MAPRE2: variants seen among roughly 807,000 people sequenced by gnomAD.
MAPRE2 encodes microtubule-associated protein RP/EB family member 2.
In MAPRE2, 13 loss-of-function variants were observed where a neutral mutation model predicts 43.2. The observed-to-expected ratio is 0.30, with a 90% CI of 0.20 to 0.48. The LOEUF is 0.48. Among genes scored for constraint, MAPRE2 ranks in the 20% least tolerant of loss-of-function variants. The pLI is 0.99. For missense variants in MAPRE2, 161 were observed against 400.2 expected, an observed-to-expected ratio of 0.40 and a Z score of 5.10; for synonymous variants, 135 against 148.8, an observed-to-expected ratio of 0.91 and a Z score of 0.68.
In MAPRE2 at chr18:34,989,553, A is replaced by T. The variant is rs146821683; in HGVS notation, c.-70+12474A>T. On this transcript the variant is annotated intron_variant, in intron 1 of 7. Coordinates refer to the MAPRE2 transcript ENST00000413393. ...AGTGAGACCCTATGTTTACCAAAAA[A>T]TTTTGAAAAAATTGCCAGGCATGGT... Among the ~76,000 whole-genome samples the T allele has an allele frequency of 7.2e-4, 110 of 152,218 alleles. 2 individuals carry two copies. In the East Asian group the frequency reaches 0.02, roughly 28 times the overall value.
chr18:35,020,180 A>G (rs2097041016), intron 2 of MAPRE2, among the ~76,000 whole-genome samples: 1 of 152,148 alleles, frequency 6.6e-6, no homozygotes, highest in South Asian at 2.1e-4. Context: ...ACAGATTATC[A>G]GGATAACATC....
intron 1 of MAPRE2, among the ~76,000 whole-genome samples, chr18:34,985,569 A>G (rs1280976464): frequency 6.8e-5 from 5 of 73,342 alleles, no homozygotes; most frequent in African/African-American, 1.5e-4. Flanking sequence ...TTATAAATAT[A>G]ATATATAAAC....
intron 1 of MAPRE2, among the ~76,000 whole-genome samples, chr18:35,050,403 G>A (rs1905876175): frequency 6.6e-6 from 1 of 152,136 alleles, no homozygotes. Flanking sequence ...AATGAAATGT[G>A]CTCCTATAGC....
At chr18:35,003,142 A>T (rs936794121) in intron 1 of MAPRE2, among the ~76,000 whole-genome samples, 3 of 152,010 alleles carry the variant, frequency 2.0e-5, no homozygotes, top group Admixed American at 1.3e-4. Context: ...GCTTTGCCTC[A>T]CTCCTATCCC....
At chr18:35,008,404 C>T (rs1193419569) in intron 2 of MAPRE2, among the ~76,000 whole-genome samples, 2 of 152,100 alleles carry the variant, frequency 1.3e-5, no homozygotes, top group African/African-American at 2.4e-5. Flanking sequence ...GAAAATCACC[C>T]ATAACAACAC....
intron 1 of MAPRE2, among the ~76,000 whole-genome samples, chr18:35,061,201 G>C (rs897738854): frequency 6.6e-6 from 1 of 152,136 alleles, no homozygotes. Context: ...AGGCAGCCTG[G>C]AAAAGCCTGC....
At chr18:35,034,962 C>T (rs1405946660) in intron 2 of MAPRE2, among the ~76,000 whole-genome samples, 2 of 151,968 alleles carry the variant, frequency 1.3e-5, no homozygotes, top group African/African-American at 4.8e-5. Flanking sequence ...GGTGATTCCT[C>T]AGGGATCTAG....
intron 2 of MAPRE2, among the ~76,000 whole-genome samples, chr18:35,013,984 G>A (rs1015663740): frequency 6.6e-6 from 1 of 152,146 alleles, no homozygotes; most frequent in African/African-American, 2.4e-5. Flanking sequence ...TGGGGGTACA[G>A]ATGTCTCTTT....
At chr18:35,112,199 T>TA (rs927021394) in intron 4 of MAPRE2, among the ~76,000 whole-genome samples, 1 of 151,464 alleles carries the variant, frequency 6.6e-6, no homozygotes, top group African/African-American at 2.4e-5. Flanking sequence ...TTTTTTTTTT[T>TA]ATGGACGGAG....
chr18:35,025,868 T>C (rs1408408726), intron 2 of MAPRE2, among the ~76,000 whole-genome samples: 1 of 152,228 alleles, frequency 6.6e-6, no homozygotes, highest in Non-Finnish European at 1.5e-5. Flanking sequence ...CTTATGCTGA[T>C]ACCAGGTGGC....
chr18:35,017,224 G>GT (rs1207113034), intron 2 of MAPRE2, among the ~76,000 whole-genome samples: 1 of 141,224 alleles, frequency 7.1e-6, no homozygotes, highest in East Asian at 2.1e-4. Flanking sequence ...GTCAAGTAAT[G>GT]TGATGCCTCC....
intron 1 of MAPRE2, among the ~76,000 whole-genome samples, chr18:34,991,520 A>G (rs1424645053): frequency 6.6e-6 from 1 of 152,178 alleles, no homozygotes; most frequent in Non-Finnish European, 1.5e-5. Flanking sequence ...GACTAAAGGG[A>G]GTATAATCAT....
In MAPRE2 at chr18:35,141,772, G is replaced by A. The variant is rs958978370; in HGVS notation, c.*1403G>A. On this transcript the variant is annotated 3_prime_UTR_variant, in exon 7 of 7. Coordinates refer to ENST00000300249, the MANE Select transcript of MAPRE2 (RefSeq NM_014268.4). Reference sequence around the variant, plus strand: ...TTTCACTTGTTATTTGACTTAGCAGGTGCAACAAAAACAAGAAACAAATGT... The same window carrying A: ...TTTCACTTGTTATTTGACTTAGCAGATGCAACAAAAACAAGAAACAAATGT... The A allele has an allele frequency of 1.3e-5, 2 of 151,872 alleles. No homozygotes were observed. Among genetic ancestry groups the A allele is most frequent in the East Asian group, 1.9e-4 (1 of 5,184 alleles). 9.4% of individuals were successfully genotyped at this position (151,872 alleles called of 1,614,324 possible).
At position 35,120,721 on chromosome 18, in the gene MAPRE2, C is replaced by G. The variant is rs186282846; in HGVS notation, c.611-6227C>G. ...GCCCATACCCTTTCTCCAGCAATGA[C>G]ATTACTTTTTTTTTTAACCAAGCTC... is the stretch of plus-strand genomic sequence containing the variant. On this transcript the variant is annotated intron_variant, in intron 4 of 6. Transcript: ENST00000300249. Among the ~76,000 whole-genome samples, 5 of 152,206 alleles carry G rather than the reference C, an allele frequency of 3.3e-5. No individual in the cohort carries two copies. The East Asian group carries it at 9.6e-4, about 29-fold the overall frequency.
intron 1 of MAPRE2, among the ~76,000 whole-genome samples, chr18:34,989,683 C>T (rs1021128008): frequency 6.6e-6 from 1 of 151,536 alleles, no homozygotes; most frequent in Non-Finnish European, 1.5e-5. Context: ...TGCACTACAG[C>T]TTGGGAAGCA....
chr18:35,069,742 T>TA (rs1261015087), intron 1 of MAPRE2, among the ~76,000 whole-genome samples: 15 of 152,208 alleles, frequency 9.9e-5, no homozygotes. Flanking sequence ...GTTTAAATAT[T>TA]AAAAAAAGAA....
chr18:35,131,674 C>G (rs1449865018), intron 5 of MAPRE2, among the ~76,000 whole-genome samples: 1 of 152,156 alleles, frequency 6.6e-6, no homozygotes, highest in Non-Finnish European at 1.5e-5. Flanking sequence ...TGAGGAGATA[C>G]AAACTTTCAG....
At chr18:35,055,539 G>GTGTGTGTGTT (rs35526019) in intron 1 of MAPRE2, among the ~76,000 whole-genome samples, 7 of 142,438 alleles carry the variant, frequency 4.9e-5, no homozygotes, top group African/African-American at 1.4e-4. Context: ...TCAGTTCTCT[G>GTGTGTGTGTT]TGTGTGTGTG....
At chr18:35,132,618 C>T (rs148334989) in intron 6 of MAPRE2, among the ~76,000 whole-genome samples, 82 of 152,286 alleles carry the variant, frequency 5.4e-4, no homozygotes, top group African/African-American at 1.9e-3. Flanking sequence ...TATTTCGTAG[C>T]TGGTTGTCTT....
Sources: gnomAD v4.1 joint callset for allele counts (sites outside exome capture counted in the v4.1 genomes callset) on GRCh38, gnomAD v4.1.1 for gene constraint, MANE v1.5 for transcripts, NCBI Gene and HGNC (gene_info 2026-07-23, HGNC 2026-07-21) for gene names.